The following DPEP1 variants were observed in gnomAD, a reference collection of about 807,000 sequenced individuals.
DPEP1 encodes beta-lactamase.
A neutral mutation model predicts 42.3 loss-of-function variants in DPEP1; 50 were observed. The ratio of observed to expected loss-of-function variants is 1.18; its 90% confidence interval spans 0.94 to 1.50. The LOEUF (loss-of-function observed/expected upper bound fraction) is 1.50, where lower values mean the gene tolerates loss of function less well. Ranked by LOEUF, DPEP1 falls within the 40% of genes most tolerant of loss-of-function variation. The pLI is 0.00. For missense variants in DPEP1, 663 were observed against 553.0 expected (o/e 1.20, Z -1.99); for synonymous variants, 297 against 234.0 (o/e 1.27, Z -2.46).
intron 2 of DPEP1, among the ~76,000 whole-genome samples, chr16:89,632,239 G>C (rs1462456833): frequency 6.6e-6 from 1 of 152,096 alleles, no homozygotes; most frequent in Non-Finnish European, 1.5e-5. Context: ...TTTTAGTAGA[G>C]ACAGGGTTTC....
downstream of DPEP1, chr16:89,640,558 A>G (rs1267337427): frequency 1.0e-6 from 1 of 984,810 alleles, no homozygotes; most frequent in Non-Finnish European, 1.2e-6. Flanking sequence ...TCCAGGATGC[A>G]CTTATCAATA....
intron 1 of DPEP1, among the ~76,000 whole-genome samples, chr16:89,622,715 C>T (rs1450987584): frequency 6.2e-4 from 93 of 149,826 alleles, no homozygotes; most frequent in Non-Finnish European, 1.1e-3. Context: ...ACCCAGGAGG[C>T]GGAGGTTGCA....
upstream of DPEP1, chr16:89,613,352 G>T (rs1005538263): frequency 6.6e-6 from 1 of 151,592 alleles, no homozygotes; most frequent in African/African-American, 2.5e-5. Flanking sequence ...GACATCTCAG[G>T]GCACTCTCAG....
chr16:89,623,436 T>C (rs912197748), intron 1 of DPEP1, among the ~76,000 whole-genome samples: 1 of 152,092 alleles, frequency 6.6e-6, no homozygotes, highest in African/African-American at 2.4e-5. Context: ...TTTTTAAATA[T>C]GAAATTTGTA....
At chr16:89,625,488 T>A (rs1223524585) in intron 1 of DPEP1, among the ~76,000 whole-genome samples, 1 of 152,146 alleles carries the variant, frequency 6.6e-6, no homozygotes, top group South Asian at 2.1e-4. Flanking sequence ...GGACAAACAT[T>A]CAAACTCTAT....
In DPEP1 at chr16:89,638,071, C is replaced by T; in HGVS notation, c.1085C>T (p.Ala362Val). 1 of 1,612,272 alleles carries T rather than the reference C, an allele frequency of 6.2e-7. No individual in the cohort carries two copies. The highest frequency in any genetic ancestry group is 8.5e-7 in the Non-Finnish European group (1 of 1,179,826). Residue 362 changes from alanine to valine, a missense_variant, in exon 11 of 11, where the codon GCT (alanine) becomes GTT (valine). By Grantham distance (64) the Ala-to-Val change is moderately conservative (BLOSUM62 0). Coordinates refer to ENST00000690203, the MANE Select transcript of DPEP1 (RefSeq NM_001389466.1). ...CCCCAGGCCAGCAACCTCACACAGG[C>T]TCCCGAGGAGGAGCCCATCCCGCTG... ...AVEQASNLTQ[A>V]PEEEPIPLDQ... is the part of the protein sequence containing the mutation.
At chr16:89,627,098 AAAAAAAAAG>A (rs1280395358) in intron 1 of DPEP1, among the ~76,000 whole-genome samples, 277 of 147,128 alleles carry the variant, frequency 1.9e-3, no homozygotes, top group African/African-American at 6.7e-3. Flanking sequence ...TGTCTCTACT[AAAAAAAAAG>A]AAAAAAAAGA....
chr16:89,620,491 G>A (rs1011144765), intron 1 of DPEP1: 1 of 152,296 alleles, frequency 6.6e-6, no homozygotes, highest in Non-Finnish European at 1.5e-5. Context: ...AGTCCCAGAA[G>A]CCCCTGGGCT....
chr16:89,640,711 G>A (rs562491318), downstream of DPEP1: 8 of 852,762 alleles, frequency 9.4e-6, no homozygotes, highest in South Asian at 3.8e-4. Flanking sequence ...GGCTGCAAGG[G>A]TATTAGGCCT....
intron 1 of DPEP1, among the ~76,000 whole-genome samples, chr16:89,630,091 G>A (rs1177382207): frequency 6.6e-6 from 1 of 152,124 alleles, no homozygotes; most frequent in Non-Finnish European, 1.5e-5. Flanking sequence ...CTTTCATCTG[G>A]GCTCTAGCTC....
chr16:89,625,600 TG>T (rs1457035231), intron 1 of DPEP1, among the ~76,000 whole-genome samples: 4 of 152,056 alleles, frequency 2.6e-5, no homozygotes, highest in African/African-American at 4.8e-5. Flanking sequence ...GGGGAGGCTC[TG>T]GGGGCAGGGA....
chr16:89,630,707 A>AGCCGGGGTTGGGGGT (rs2059576012), intron 2 of DPEP1, among the ~76,000 whole-genome samples, 193 bp downstream of exon 2: 1 of 23,174 alleles, frequency 4.3e-5, no homozygotes, highest in Non-Finnish European at 7.5e-5. Context: ...GGGCTGGGGG[A>AGCCGGGGTTGGGGGT]GCCGGGGCTG....
intron 1 of DPEP1, among the ~76,000 whole-genome samples, chr16:89,625,352 C>A (rs1219196970): frequency 6.6e-6 from 1 of 152,116 alleles, no homozygotes; most frequent in African/African-American, 2.4e-5. Flanking sequence ...GTACCAGGCT[C>A]GTTTTAACCG....
At chr16:89,618,082 T>A (rs886204516) in intron 1 of DPEP1, among the ~76,000 whole-genome samples, 1 of 152,176 alleles carries the variant, frequency 6.6e-6, no homozygotes, top group Non-Finnish European at 1.5e-5. Flanking sequence ...AAAATTAAAA[T>A]TTTAAATTAT....
chr16:89,634,548 C>T (rs1389424363), intron 2 of DPEP1, among the ~76,000 whole-genome samples: 2 of 69,712 alleles, frequency 2.9e-5, no homozygotes, highest in African/African-American at 8.8e-5. Context: ...CTCCTTTCCC[C>T]TTCCTTCTCC....
intron 2 of DPEP1, among the ~76,000 whole-genome samples, chr16:89,631,228 C>T (rs151022378): frequency 4.6e-5 from 7 of 152,260 alleles, no homozygotes; most frequent in Non-Finnish European, 1.0e-4. Flanking sequence ...GCTGTGTGCC[C>T]ACCCGGCCCC....
intron 4 of DPEP1, 32 bp downstream of exon 4, chr16:89,636,428 G>C (rs926620494): frequency 6.2e-7 from 1 of 1,602,220 alleles, no homozygotes; most frequent in African/African-American, 1.3e-5. Flanking sequence ...TCCAGGTCCT[G>C]CGTCTTCTCA....
rs1432390233 is a variant in DPEP1 at position 89,636,621 on chromosome 16, G to T, written c.459G>T (p.Leu153=). Residue 153 remains leucine, a synonymous_variant, in exon 5 of 11, where the codon CTG becomes CTT. Transcript: ENST00000690203. ...CCATTGACAGCAGTTTGGGCGTCCT[G>T]CGGGCACTCTATCAGCTGGGCATGC... ...GHSIDSSLGV[L]RALYQLGMRY... 6.8e-6 allele frequency: 11 copies of T among 1,612,534 alleles called. No individual in the cohort carries two copies. Among genetic ancestry groups the T allele is most frequent in the Non-Finnish European group, 9.3e-6 (11 of 1,179,974 alleles).
At chr16:89,633,999 A>G (rs1474115150) in intron 2 of DPEP1, among the ~76,000 whole-genome samples, 1 of 151,456 alleles carries the variant, frequency 6.6e-6, no homozygotes, top group Non-Finnish European at 1.5e-5. Context: ...TCCTCCTCAC[A>G]GCCTGGTTGA....
Sources: allele counts gnomAD v4.1 joint callset (sites outside exome capture counted in the v4.1 genomes callset), GRCh38; gene constraint gnomAD v4.1.1; transcripts MANE v1.5; gene names NCBI Gene and HGNC (gene_info 2026-07-23, HGNC 2026-07-21).